Variants in DENND4A observed in about 807,000 individuals in gnomAD.
DENND4A encodes DENN domain containing 4A.
DENND4A carries 70 observed loss-of-function variants against 199.3 expected under a neutral mutation model. That is an observed-to-expected ratio of 0.35 (90% confidence interval 0.29 to 0.43). The LOEUF (loss-of-function observed/expected upper bound fraction) is 0.43. Ranked by LOEUF, DENND4A falls within the 20% of genes least tolerant of loss-of-function variation. DENND4A has a pLI of 1.00. For synonymous variants in DENND4A, 686 were observed against 766.9 expected (o/e 0.89, Z 1.74); for missense variants, 1,723 against 2,255.8 (o/e 0.76, Z 4.78).
At chr15:65,723,797 TCA>T (rs1329887704) in intron 11 of DENND4A, among the ~76,000 whole-genome samples, 1 of 152,212 alleles carries the variant, frequency 6.6e-6, no homozygotes, top group Admixed American at 6.5e-5. Context: ...GCTCTCTCTC[TCA>T]AAATAACTTA....
rs373016689 is a variant in DENND4A at position 65,737,715 on chromosome 15, T to G, written c.1032A>C (p.Pro344=). 6.4e-7 allele frequency: 1 copy of G among 1,570,610 alleles called. No homozygotes were observed. Among genetic ancestry groups the G allele is most frequent in the African/African-American group, 1.4e-5 (1 of 73,710 alleles). The part of the protein sequence containing the change: ...RYSISGPHVL[P]IEKHISHFMH... ...AAGAACACTTAACTTACTTCTCAAT[T>G]GGAAGGACATGAGGCCCAGAGATGG... Residue 344 remains proline (P), a synonymous_variant, in exon 7 of 33, where the codon CCA becomes CCC. Transcript: ENST00000443035.
chr15:65,769,734 A>G (rs1027439653), intron 1 of DENND4A, among the ~76,000 whole-genome samples: 3 of 152,094 alleles, frequency 2.0e-5, no homozygotes, highest in African/African-American at 7.2e-5. Context: ...AACAGATGCC[A>G]TAAATTAACT....
intron 24 of DENND4A, among the ~76,000 whole-genome samples, chr15:65,675,914 A>G (rs1022900206): frequency 6.6e-6 from 1 of 152,094 alleles, no homozygotes; most frequent in African/African-American, 2.4e-5. Flanking sequence ...GAAAAACTGG[A>G]AACTTGACAT....
intron 1 of DENND4A, among the ~76,000 whole-genome samples, chr15:65,790,460 G>A (rs536847360): frequency 1.3e-5 from 2 of 152,256 alleles, no homozygotes; most frequent in South Asian, 2.1e-4. Flanking sequence ...AGTGATCCCA[G>A]AATGGAAGGG....
chr15:65,774,833 A>T (rs75904909), intron 1 of DENND4A, among the ~76,000 whole-genome samples: 7 of 142,118 alleles, frequency 4.9e-5, no homozygotes, highest in Non-Finnish European at 9.3e-5. Context: ...TTAAAAAAAA[A>T]TTTTGTGGAT....
At chr15:65,745,883 C>T (rs2140518704) in intron 4 of DENND4A, among the ~76,000 whole-genome samples, 1 of 151,952 alleles carries the variant, frequency 6.6e-6, no homozygotes, top group African/African-American at 2.4e-5. Context: ...CCTGTAATCC[C>T]AGCACTTTGG....
At chr15:65,679,904 T>G (rs532411811) in intron 23 of DENND4A, among the ~76,000 whole-genome samples, 32 of 152,292 alleles carry the variant, frequency 2.1e-4, no homozygotes, top group Non-Finnish European at 4.3e-4. Flanking sequence ...TCAGTATATT[T>G]TAAGTAGAGT....
intron 4 of DENND4A, among the ~76,000 whole-genome samples, chr15:65,742,269 A>G (rs1327898819): frequency 2.0e-5 from 3 of 152,122 alleles, no homozygotes; most frequent in Non-Finnish European, 4.4e-5. Flanking sequence ...CCACTCCTTA[A>G]AAGAATAACT....
intron 2 of DENND4A, among the ~76,000 whole-genome samples, chr15:65,759,371 G>A (rs1388952023): frequency 2.0e-5 from 3 of 152,010 alleles, no homozygotes; most frequent in South Asian, 2.1e-4. Flanking sequence ...CCAGCTACTC[G>A]GGAGGCTGAG....
At position 65,786,077 on chromosome 15, in the gene DENND4A, T is replaced by A. The variant is rs533479327; in HGVS notation, c.-102+5933A>T. On this transcript the variant is annotated intron_variant, in intron 1 of 32. Coordinates refer to ENST00000443035, the MANE Select transcript of DENND4A (RefSeq NM_001320835.1). ...ATTTATATCCTAGGACCCAGCAATT[T>A]GACAGTCAGGTATATGACCTGGAGA... Among the ~76,000 whole-genome samples, 16 of 152,296 alleles carry A rather than the reference T, an allele frequency of 1.1e-4. No homozygotes were observed. In the South Asian group the frequency reaches 3.3e-3, roughly 32 times the overall value.
intron 1 of DENND4A, chr15:65,771,588 T>C (rs2077127546): frequency 1.9e-6 from 3 of 1,612,900 alleles, no homozygotes; most frequent in Non-Finnish European, 2.5e-6. Context: ...CCATCTCCTC[T>C]TTCCTCTTCT....
At chr15:65,745,109 T>C (rs765048238) in intron 4 of DENND4A, among the ~76,000 whole-genome samples, 1 of 152,194 alleles carries the variant, frequency 6.6e-6, no homozygotes, top group African/African-American at 2.4e-5. Flanking sequence ...ATATCATAAA[T>C]AGCACTATAT....
At chr15:65,752,131 G>GT (rs1450958156) in intron 4 of DENND4A, among the ~76,000 whole-genome samples, 1 of 147,350 alleles carries the variant, frequency 6.8e-6, no homozygotes, top group Non-Finnish European at 1.5e-5. Context: ...AGTGGGCGGG[G>GT]GGGGTGGGGG....
intron 22 of DENND4A, among the ~76,000 whole-genome samples, chr15:65,696,028 A>G (rs2077133912): frequency 6.6e-6 from 1 of 152,140 alleles, no homozygotes; most frequent in Non-Finnish European, 1.5e-5. Flanking sequence ...AAAACTAATA[A>G]GCCATATACT....
chr15:65,729,358 T>A (rs2075895278), intron 10 of DENND4A, 111 bp from the exon 11 acceptor site: 2 of 1,381,962 alleles, frequency 1.4e-6, no homozygotes. Flanking sequence ...TAATGCCTGA[T>A]AATGAATGAA....
At chr15:65,679,612 C>A (rs558097251) in intron 23 of DENND4A, among the ~76,000 whole-genome samples, 1 of 151,906 alleles carries the variant, frequency 6.6e-6, no homozygotes, top group South Asian at 2.1e-4. Flanking sequence ...CTCACTGCAA[C>A]CTCCACCTCC....
chr15:65,672,684 T>C (rs901745164), intron 24 of DENND4A, among the ~76,000 whole-genome samples: 2 of 151,920 alleles, frequency 1.3e-5, no homozygotes, highest in Non-Finnish European at 2.9e-5. Context: ...AATTATATTA[T>C]TAAGAACAAT....
intron 12 of DENND4A, among the ~76,000 whole-genome samples, chr15:65,719,716 C>T (rs991901700): frequency 7.2e-6 from 1 of 139,536 alleles, no homozygotes; most frequent in Non-Finnish European, 1.5e-5. Context: ...TAGTGAGATC[C>T]CATCTCTACA....
chr15:65,702,188 GAGCTCAAGAGGTT>G, intron 17 of DENND4A, 104 bp downstream of exon 17: 1 of 878,738 alleles, frequency 1.1e-6, no homozygotes, highest in Non-Finnish European at 1.8e-6. Flanking sequence ...TGCATCTCTT[GAGCTCAAGAGGTT>G]AAGACTGCAG....
Sources: gnomAD v4.1 joint callset for allele counts (sites outside exome capture counted in the v4.1 genomes callset) on GRCh38, gnomAD v4.1.1 for gene constraint, MANE v1.5 for transcripts, NCBI Gene and HGNC (gene_info 2026-07-23, HGNC 2026-07-21) for gene names.